Variants in TOM1L1 observed in about 807,000 individuals in gnomAD.
The protein encoded by TOM1L1 is TOM1-like protein 1.
In TOM1L1, 64 loss-of-function variants were observed where a neutral mutation model predicts 63.4. The ratio of observed to expected loss-of-function variants is 1.01; its 90% CI spans 0.83 to 1.24. The LOEUF (loss-of-function observed/expected upper bound fraction) is 1.24. Ranked by LOEUF, TOM1L1 falls within the 50% of genes most tolerant of loss-of-function variation. The pLI, the probability that TOM1L1 is intolerant of heterozygous loss-of-function variation, is 0.00. For synonymous variants in TOM1L1, 166 were observed against 194.4 expected, an observed-to-expected ratio of 0.85 and a Z score of 1.22; for missense variants, 536 against 567.0, an observed-to-expected ratio of 0.95 and a Z score of 0.55.
chr17:54,915,214 G>A (rs1204670672), intron 6 of TOM1L1, among the ~76,000 whole-genome samples: 1 of 152,134 alleles, frequency 6.6e-6, no homozygotes, highest in East Asian at 1.9e-4. Context: ...CTGCTGTAAA[G>A]GAACTATAAT....
At chr17:54,952,325 G>A (rs926262223) in intron 14 of TOM1L1, 8 of 152,080 alleles carry the variant, frequency 5.3e-5, no homozygotes, top group East Asian at 1.9e-4. Context: ...AGGCCAAGGC[G>A]CGCAGATCAC....
intron 11 of TOM1L1, among the ~76,000 whole-genome samples, chr17:54,939,717 G>A (rs1422895482): frequency 2.0e-5 from 3 of 152,124 alleles, no homozygotes; most frequent in African/African-American, 7.2e-5. Context: ...CCACCATACT[G>A]GGCTAATCTA....
intron 14 of TOM1L1, chr17:54,954,551 C>T (rs2144020859): frequency 1.3e-5 from 2 of 152,322 alleles, no homozygotes; most frequent in East Asian, 3.9e-4. Context: ...ACAGAACGGG[C>T]CCTTGCTTTT....
At chr17:54,951,897 A>G (rs922427391) in intron 14 of TOM1L1, 5 of 152,168 alleles carry the variant, frequency 3.3e-5, no homozygotes, top group African/African-American at 1.2e-4. Flanking sequence ...CCACAAGGAC[A>G]CAGGTTTTGA....
At chr17:54,925,749 C>A (rs2048757841) in intron 7 of TOM1L1, among the ~76,000 whole-genome samples, 1 of 152,180 alleles carries the variant, frequency 6.6e-6, no homozygotes, top group South Asian at 2.1e-4. Context: ...ACTAAAAATA[C>A]AAATATCAGC....
At chr17:54,904,554 T>C (rs1276119562) in intron 2 of TOM1L1, among the ~76,000 whole-genome samples, 2 of 152,206 alleles carry the variant, frequency 1.3e-5, no homozygotes, top group Non-Finnish European at 2.9e-5. Context: ...GCAGTCTTTT[T>C]TCCTCCCTGT....
At position 54,912,722 on chromosome 17, in the gene TOM1L1, G is replaced by C. The variant is rs1388832895; in HGVS notation, c.279G>C (p.Lys93Asn). 3.7e-6 allele frequency: 6 copies of C among 1,611,016 alleles called. No individual in the cohort carries two copies. Among genetic ancestry groups the C allele is most frequent in the Non-Finnish European group, 5.1e-6 (6 of 1,179,068 alleles). ...CGPSFQSLIV[K>N]KEFVKENLVK... ...CAAGTTTCCAGTCTCTGATTGTGAAGAAGGAATTTGTTAAAGAGAATTTAG... is the reference window on the plus strand; with the variant it reads ...CAAGTTTCCAGTCTCTGATTGTGAACAAGGAATTTGTTAAAGAGAATTTAG... The change falls in exon 4 of 16, where the codon AAG becomes AAC. Residue 93 changes from lysine (K) to asparagine (N), a missense_variant. Lys to Asn is a moderately conservative substitution (Grantham distance 94). Coordinates refer to ENST00000575882, the MANE Select transcript of TOM1L1 (RefSeq NM_005486.3).
At chr17:54,910,551 G>A (rs952197714) in intron 3 of TOM1L1, among the ~76,000 whole-genome samples, 8 of 152,126 alleles carry the variant, frequency 5.3e-5, no homozygotes, top group Non-Finnish European at 8.8e-5. Context: ...TGCGTAAGAC[G>A]GTACAACTAG....
At chr17:54,958,634 A>G (rs2077016841) in intron 14 of TOM1L1, among the ~76,000 whole-genome samples, 1 of 150,954 alleles carries the variant, frequency 6.6e-6, no homozygotes, top group Non-Finnish European at 1.5e-5. Context: ...GGGAGGATGA[A>G]TAGGAGAATC....
At chr17:54,916,927 GC>G (rs1257187046) in intron 7 of TOM1L1, 2 of 152,160 alleles carry the variant, frequency 1.3e-5, no homozygotes, top group East Asian at 3.9e-4. Context: ...AAAATTCTAG[GC>G]ACAAAATTCT....
chr17:54,952,281 T>C (rs2049270517), intron 14 of TOM1L1: 1 of 152,110 alleles, frequency 6.6e-6, no homozygotes, highest in Non-Finnish European at 1.5e-5. Context: ...AGGCCTGATG[T>C]GGTGGCTCAC....
At position 54,913,772 on chromosome 17, in the gene TOM1L1, G is replaced by C. The variant is rs1374488408; in HGVS notation, c.397G>C (p.Gly133Arg). The C allele has an allele frequency of 6.2e-7, 1 of 1,611,804 alleles. No homozygotes were observed. The highest frequency in any genetic ancestry group is 1.1e-5 in the South Asian group (1 of 91,040). Reference protein sequence around the residue: ...IKTWSQGFPGGVDVSEVKEVY... With the variant: ...IKTWSQGFPGRVDVSEVKEVY... ...GACTTGGTCACAGGGCTTCCCAGGA[G>C]GTGTGGATGTAAGCGAAGTCAAAGA... is the stretch of plus-strand genomic sequence containing the variant. The change falls in exon 5 of 16, where the codon GGT (glycine) becomes CGT (arginine). Residue 133 changes from glycine (G) to arginine (R), a missense_variant. Gly to Arg is a moderately radical substitution (Grantham distance 125, BLOSUM62 -2). Transcript: ENST00000575882.
chr17:54,922,307 A>G (rs1202056420), intron 7 of TOM1L1, among the ~76,000 whole-genome samples: 2 of 151,200 alleles, frequency 1.3e-5, no homozygotes, highest in African/African-American at 2.4e-5. Context: ...ATAAACAAAA[A>G]AAGAAAATTG....
chr17:54,901,040 C>T (rs960540479), intron 1 of TOM1L1, 117 bp downstream of exon 1: 17 of 1,401,808 alleles, frequency 1.2e-5, no homozygotes, highest in African/African-American at 4.3e-5. Context: ...AAATTATTCC[C>T]CTCCCCCCGC....
intron 14 of TOM1L1, chr17:54,953,507 G>A (rs1052503684): frequency 6.6e-6 from 1 of 152,320 alleles, no homozygotes; most frequent in African/African-American, 2.4e-5. Context: ...CAGTTACAGG[G>A]AACAGGTACC....
At chr17:54,949,201 C>CTTT (rs1567841055) in intron 12 of TOM1L1, among the ~76,000 whole-genome samples, 1 of 75,348 alleles carries the variant, frequency 1.3e-5, no homozygotes, top group Non-Finnish European at 2.9e-5. Context: ...CCATGCCCAG[C>CTTT]TATTTTTTTT....
intron 4 of TOM1L1, 22 bp downstream of exon 4, chr17:54,912,837 TG>T: frequency 6.6e-7 from 1 of 1,525,480 alleles, no homozygotes; most frequent in African/African-American, 1.4e-5. Context: ...GTATACCTCA[TG>T]GGATGGTAAA....
At chr17:54,942,466 T>C (rs1428050053) in intron 11 of TOM1L1, 1 of 152,076 alleles carries the variant, frequency 6.6e-6, no homozygotes, top group African/African-American at 2.4e-5. Flanking sequence ...AGTATAGAAA[T>C]GCTTACTAAT....
At position 54,949,615 on chromosome 17, in the gene TOM1L1, ATCATCCAGGTAC is replaced by A. The variant is rs1383364970; in HGVS notation, c.1281_1288+4del. On this transcript the variant is annotated splice_donor_variant and splice_donor_region_variant and coding_sequence_variant and intron_variant, in exon 13 of 16. Transcript: ENST00000575882. LOFTEE classifies it high-confidence loss of function. ...CAGAGTCTGCCACCTTTGCCCAGCA[ATCATCCAGGTAC>A]ATGGGACCTTATTATTCGCATCAAA... 6.2e-7 allele frequency: 1 copy of A among 1,612,716 alleles called. No individual in the cohort carries two copies. Among genetic ancestry groups the A allele is most frequent in the Admixed American group, 1.7e-5 (1 of 59,994 alleles).
Sources: allele counts gnomAD v4.1 joint callset (sites outside exome capture counted in the v4.1 genomes callset), GRCh38; gene constraint gnomAD v4.1.1; transcripts MANE v1.5; gene names NCBI Gene and HGNC (gene_info 2026-07-23, HGNC 2026-07-21).